The following C12orf56 variants were observed in gnomAD, a reference collection of about 807,000 sequenced individuals.
C12orf56 encodes uncharacterized protein C12orf56.
C12orf56 carries 71 observed loss-of-function variants against 69.9 expected under a neutral mutation model. That is an observed-to-expected ratio of 1.02 (90% CI 0.84 to 1.24). The LOEUF is 1.24. C12orf56 is among the 50% of genes most tolerant of loss of function. C12orf56 has a pLI of 0.00. For synonymous variants in C12orf56, 276 were observed against 274.1 expected (o/e 1.01, Z -0.07); for missense variants, 732 against 738.5 (o/e 0.99, Z 0.10).
intron 3 of C12orf56, among the ~76,000 whole-genome samples, chr12:64,326,449 T>C (rs1414777276): frequency 2.6e-5 from 4 of 152,140 alleles, no homozygotes; most frequent in African/African-American, 9.7e-5. Context: ...ATCACAATGT[T>C]CTGGGCACAG....
intron 1 of C12orf56, among the ~76,000 whole-genome samples, chr12:64,387,089 A>C (rs2039803863): frequency 7.2e-6 from 1 of 138,466 alleles, no homozygotes; most frequent in African/African-American, 3.1e-5. Context: ...AAAAAAAAAA[A>C]AAAAAAAAAA....
chr12:64,319,014 G>A lies in C12orf56; in HGVS notation c.489-34C>T, dbSNP rs181644650. 7.4e-4 allele frequency: 1,054 copies of A among 1,425,680 alleles called. 3 individuals are homozygous for A. The African/African-American group carries it at 0.014, about 18-fold the overall frequency. 88.3% of individuals were successfully genotyped at this position (1,425,680 alleles called of 1,614,324 possible). ...TAGAATTTAGTATTAAACATGACAT[G>A]CAAAATTTCACAGTAAGCAACAAAG... On this transcript the variant is annotated intron_variant, in intron 3 of 12. Coordinates refer to ENST00000543942, the MANE Select transcript of C12orf56 (RefSeq NM_001170633.2).
intron 2 of C12orf56, among the ~76,000 whole-genome samples, chr12:64,349,315 T>C (rs778980947): frequency 6.6e-6 from 1 of 152,140 alleles, no homozygotes; most frequent in African/African-American, 2.4e-5. Context: ...AAAACCACAA[T>C]GCAATACCAC....
At chr12:64,354,713 C>A (rs938580295) in intron 1 of C12orf56, among the ~76,000 whole-genome samples, 5 of 150,148 alleles carry the variant, frequency 3.3e-5, no homozygotes, top group Admixed American at 6.6e-5. Flanking sequence ...GTGATCCATC[C>A]GCCTCAGCCT....
intron 1 of C12orf56, among the ~76,000 whole-genome samples, chr12:64,390,027 A>C (rs770110495): frequency 6.6e-6 from 1 of 152,150 alleles, no homozygotes; most frequent in Non-Finnish European, 1.5e-5. Flanking sequence ...TGACTTTAAA[A>C]GGTATTTTTG....
intron 5 of C12orf56, among the ~76,000 whole-genome samples, chr12:64,309,695 G>C (rs917260487): frequency 6.6e-6 from 1 of 152,086 alleles, no homozygotes; most frequent in Non-Finnish European, 1.5e-5. Flanking sequence ...ATCTTTAGTA[G>C]AGACAGGGTT....
chr12:64,264,903 A>T lies in C12orf56; in HGVS notation c.*2280T>A, dbSNP rs1366618734. The T allele has an allele frequency of 6.6e-6, 1 of 152,236 alleles. No individual in the cohort carries two copies. Among genetic ancestry groups the T allele is most frequent in the Non-Finnish European group, 1.5e-5 (1 of 68,042 alleles). The allele number at this position is 152,236 out of a possible 1,614,324, so 9.4% of individuals were successfully genotyped here. On this transcript the variant is annotated 3_prime_UTR_variant, in exon 13 of 13. Transcript: ENST00000543942. ...AACTCTCCAAAAAACCACTGACTTTAGCCCCACATAAAAAGATTCAGATAT... is the reference window on the plus strand; with the variant it reads ...AACTCTCCAAAAAACCACTGACTTTTGCCCCACATAAAAAGATTCAGATAT...
At chr12:64,360,887 T>C (rs555741483) in intron 1 of C12orf56, among the ~76,000 whole-genome samples, 9 of 152,326 alleles carry the variant, frequency 5.9e-5, no homozygotes, top group African/African-American at 2.2e-4. Context: ...ACACCATTTA[T>C]ATACATTTGA....
intron 2 of C12orf56, among the ~76,000 whole-genome samples, chr12:64,342,675 C>T (rs1416608451): frequency 6.6e-6 from 1 of 152,154 alleles, no homozygotes; most frequent in East Asian, 1.9e-4. Context: ...CAGAAAGCAC[C>T]CAGTTCATGA....
chr12:64,367,146 C>G (rs62652094), intron 1 of C12orf56, among the ~76,000 whole-genome samples: 570 of 12,076 alleles, frequency 0.047, 126 homozygotes, highest in Middle Eastern at 0.4. Flanking sequence ...ATAACATACA[C>G]TTTATATATT....
chr12:64,312,767 A>C lies in C12orf56; in HGVS notation c.895-15T>G, dbSNP rs2038637363. 6.6e-7 allele frequency: 1 copy of C among 1,520,616 alleles called. No homozygotes were observed. Among genetic ancestry groups the C allele is most frequent in the African/African-American group, 1.4e-5 (1 of 72,730 alleles). 94.2% of individuals were successfully genotyped at this position (1,520,616 alleles called of 1,614,324 possible). A position where few individuals can be genotyped will look rare whatever the true frequency, so the allele number is the denominator to read the frequency against. ...AGAGTAGCTTTCTGAAAAAGGAAAA[A>C]GTAGAAATTGTTAGAATTTTTATTT... On this transcript the variant is annotated splice_polypyrimidine_tract_variant and intron_variant, in intron 4 of 12. Transcript: ENST00000543942.
chr12:64,377,587 A>C (rs1250400633), intron 1 of C12orf56, among the ~76,000 whole-genome samples: 1 of 152,156 alleles, frequency 6.6e-6, no homozygotes, highest in Admixed American at 6.5e-5. Context: ...GGTTTCCCAT[A>C]TTTTGTGAAT....
At chr12:64,346,870 C>CACTG (rs1199628545) in intron 2 of C12orf56, among the ~76,000 whole-genome samples, 2 of 152,150 alleles carry the variant, frequency 1.3e-5, no homozygotes, top group Non-Finnish European at 2.9e-5. Context: ...GCACAAGGAC[C>CACTG]ACTGCACTCC....
At chr12:64,295,696 A>G (rs894848301) in intron 6 of C12orf56, among the ~76,000 whole-genome samples, 9 of 151,866 alleles carry the variant, frequency 5.9e-5, no homozygotes, top group Non-Finnish European at 7.4e-5. Context: ...ACCTATTCTC[A>G]TAATTTAAAT....
chr12:64,319,580 A>G (rs930993254), intron 3 of C12orf56, among the ~76,000 whole-genome samples: 1 of 152,068 alleles, frequency 6.6e-6, no homozygotes, highest in Non-Finnish European at 1.5e-5. Flanking sequence ...ATTTTTTTGT[A>G]GTGATGGTGA....
At chr12:64,310,684 C>T (rs2038595332) in intron 5 of C12orf56, among the ~76,000 whole-genome samples, 2 of 151,404 alleles carry the variant, frequency 1.3e-5, no homozygotes. Flanking sequence ...CATTATGTTT[C>T]AGTCATCTCA....
chr12:64,282,161 G>A (rs1404378330), intron 8 of C12orf56, among the ~76,000 whole-genome samples: 1 of 152,154 alleles, frequency 6.6e-6, no homozygotes, highest in Non-Finnish European at 1.5e-5. Flanking sequence ...TTTGAGACCA[G>A]CCCCGACAAC....
chr12:64,374,139 CA>C (rs2039609226), intron 1 of C12orf56, among the ~76,000 whole-genome samples: 2 of 152,212 alleles, frequency 1.3e-5, no homozygotes, highest in Non-Finnish European at 2.9e-5. Context: ...ATGAATGATC[CA>C]TCTACAAATT....
intron 1 of C12orf56, among the ~76,000 whole-genome samples, chr12:64,372,560 G>A (rs1204960217): frequency 2.0e-5 from 3 of 152,148 alleles, no homozygotes; most frequent in East Asian, 3.8e-4. Context: ...TGTTGTCCAG[G>A]CTGGAGTGCA....
Sources: gnomAD v4.1 joint callset for allele counts (sites outside exome capture counted in the v4.1 genomes callset) on GRCh38, gnomAD v4.1.1 for gene constraint, MANE v1.5 for transcripts, NCBI Gene and HGNC (gene_info 2026-07-23, HGNC 2026-07-21) for gene names.